Variants in CCDC13 observed in about 807,000 individuals in gnomAD.
The protein encoded by CCDC13 is coiled-coil domain-containing protein 13.
Under a neutral mutation model 87.3 loss-of-function variants are expected in CCDC13, and 70 were observed. The ratio of observed to expected loss-of-function variants is 0.80; its 90% CI spans 0.66 to 0.98. The LOEUF (loss-of-function observed/expected upper bound fraction) is 0.98, where lower values mean the gene tolerates loss of function less well. Ranked by LOEUF, CCDC13 falls within the 50% of genes least tolerant of loss-of-function variation. The pLI, the probability that CCDC13 is intolerant of heterozygous loss-of-function variation, is 0.00. For synonymous variants in CCDC13, 317 were observed against 360.3 expected, an observed-to-expected ratio of 0.88 and a Z score of 1.36; for missense variants, 842 against 892.0, an observed-to-expected ratio of 0.94 and a Z score of 0.71.
intron 5 of CCDC13, among the ~76,000 whole-genome samples, chr3:42,750,919 G>A (rs1013656433): frequency 6.6e-6 from 1 of 152,182 alleles, no homozygotes; most frequent in Non-Finnish European, 1.5e-5. Context: ...GTCCCCTGAA[G>A]CCAGGAAAGG....
chr3:42,750,760 A>G (rs2125903754), intron 5 of CCDC13, among the ~76,000 whole-genome samples: 1 of 152,170 alleles, frequency 6.6e-6, no homozygotes, highest in East Asian at 1.9e-4. Context: ...GAGCCACCTC[A>G]CCCGGTCAAG....
intron 8 of CCDC13, among the ~76,000 whole-genome samples, chr3:42,740,041 C>T (rs973358477): frequency 4.6e-5 from 7 of 152,176 alleles, no homozygotes; most frequent in African/African-American, 1.7e-4. Flanking sequence ...AGCACTAACC[C>T]ATGACAGCAC....
chr3:42,709,765 G>T lies in CCDC13; in HGVS notation c.1907C>A (p.Thr636Asn), dbSNP rs1453092440. The T allele has an allele frequency of 5.0e-6, 8 of 1,614,184 alleles. No homozygotes were observed. Among genetic ancestry groups the T allele is most frequent in the Non-Finnish European group, 6.8e-6 (8 of 1,180,016 alleles). The change falls in exon 15 of 16, where the codon ACC becomes AAC. Residue 636 changes from threonine (T) to asparagine (N), a missense_variant. Thr to Asn is a moderately conservative substitution (Grantham distance 65). Coordinates refer to ENST00000310232, the MANE Select transcript of CCDC13 (RefSeq NM_144719.4). The part of the protein sequence containing the change: ...LPTSNNRHNP[T>N]GSEKKDPSFA... ...GGATGGGTCCTTCTTCTCGCTCCCG[G>T]TTGGGTTGTGCCTGTTGTTAGAGGT... is the stretch of plus-strand genomic sequence containing the variant.
chr3:42,726,036 TTTG>T (rs1013205668), intron 13 of CCDC13, among the ~76,000 whole-genome samples: 9 of 151,994 alleles, frequency 5.9e-5, no homozygotes, highest in Admixed American at 2.0e-4. Flanking sequence ...ACAAGAGGGT[TTTG>T]TTGTTGTTGT....
chr3:42,758,090 CACA>C, intron 2 of CCDC13, 32 bp downstream of exon 2: 1 of 1,564,082 alleles, frequency 6.4e-7, no homozygotes, highest in Admixed American at 1.7e-5. Flanking sequence ...CACACACACA[CACA>C]CACCCCTGAG....
chr3:42,704,354 A>G (rs1271381499), downstream of CCDC13: 1 of 152,228 alleles, frequency 6.6e-6, no homozygotes, highest in Non-Finnish European at 1.5e-5. Flanking sequence ...CCCCAGAGTT[A>G]AGAACACAGG....
intron 9 of CCDC13, among the ~76,000 whole-genome samples, chr3:42,739,026 G>C (rs1699122764): frequency 1.3e-5 from 2 of 152,188 alleles, no homozygotes; most frequent in South Asian, 4.1e-4. Context: ...TGCCCATTCA[G>C]TATGATATTG....
intron 5 of CCDC13, among the ~76,000 whole-genome samples, chr3:42,750,459 T>G (rs567803727): frequency 2.6e-4 from 40 of 152,206 alleles, no homozygotes; most frequent in Non-Finnish European, 5.0e-4. Context: ...TTTTGGTGGT[T>G]GTTGTAGTTG....
At chr3:42,740,607 G>A (rs1271693790) in intron 8 of CCDC13, among the ~76,000 whole-genome samples, 3 of 152,188 alleles carry the variant, frequency 2.0e-5, no homozygotes, top group East Asian at 1.9e-4. Context: ...CAGGAATAGC[G>A]AGAAGGATAT....
In CCDC13 at chr3:42,707,864, T is replaced by C. The variant is rs947025916; in HGVS notation, c.*1116A>G. Reference sequence around the variant, plus strand: ...TGTGGCCAGGGTGTCGGAGTTGGGGTGTGTGGCTATGAGTGACCCTCCTTG... The same window carrying C: ...TGTGGCCAGGGTGTCGGAGTTGGGGCGTGTGGCTATGAGTGACCCTCCTTG... On this transcript the variant is annotated 3_prime_UTR_variant, in exon 16 of 16. Coordinates refer to ENST00000310232, the MANE Select transcript of CCDC13 (RefSeq NM_144719.4). Among the ~76,000 whole-genome samples the C allele has an allele frequency of 2.6e-5, 4 of 152,100 alleles. No homozygotes were observed. Among genetic ancestry groups the C allele is most frequent in the African/African-American group, 9.7e-5 (4 of 41,402 alleles).
chr3:42,733,889 T>C (rs1487157971), intron 10 of CCDC13, among the ~76,000 whole-genome samples: 6 of 152,216 alleles, frequency 3.9e-5, no homozygotes, highest in Admixed American at 1.3e-4. Context: ...CGGCCCTGCA[T>C]GCGGGGCAGG....
Position 42,751,992 on chromosome 3 carries a change from C to T in CCDC13, c.547G>A (p.Gly183Arg), listed in dbSNP as rs373099866. The change falls in exon 5 of 16, where the codon GGG becomes AGG. Residue 183 changes from glycine (G) to arginine (R), a missense_variant. Transcript: ENST00000310232. Reference sequence around the variant, plus strand: ...GGCTTGGCTCCTGCGTCGGTGGCCCCCTTGGCTGACAGCCTGGTCAGGGCT... The same window carrying T: ...GGCTTGGCTCCTGCGTCGGTGGCCCTCTTGGCTGACAGCCTGGTCAGGGCT... Reference protein sequence around the residue: ...QTALTRLSAKGATDAGAKPPR... With the variant: ...QTALTRLSAKRATDAGAKPPR... The T allele has an allele frequency of 2.2e-5, 36 of 1,609,376 alleles. No homozygotes were observed. The highest frequency in any genetic ancestry group is 3.1e-5 in the Non-Finnish European group (36 of 1,180,008).
Position 42,705,915 on chromosome 3 carries a change from A to T in CCDC13, c.*3065T>A, listed in dbSNP as rs1326549717. The T allele has an allele frequency of 6.6e-6, 1 of 151,910 alleles. No individual in the cohort carries two copies. Among genetic ancestry groups the T allele is most frequent in the Non-Finnish European group, 1.5e-5 (1 of 68,064 alleles). The allele number at this position is 151,910 out of a possible 1,614,324, so 9.4% of individuals were successfully genotyped here. On this transcript the variant is annotated 3_prime_UTR_variant, in exon 16 of 16. Coordinates refer to ENST00000310232, the MANE Select transcript of CCDC13 (RefSeq NM_144719.4). ...CTCCTTGCTCCTTTGCCTCAGGGAGATGTGAAGCCCCCTCTCTACCCAGAT... is the reference window on the plus strand; with the variant it reads ...CTCCTTGCTCCTTTGCCTCAGGGAGTTGTGAAGCCCCCTCTCTACCCAGAT...
intron 13 of CCDC13, among the ~76,000 whole-genome samples, chr3:42,727,890 G>C (rs1698725807): frequency 6.6e-6 from 1 of 152,044 alleles, no homozygotes; most frequent in South Asian, 2.1e-4. Context: ...AGAAAAAAAG[G>C]AACAAAGAAA....
In CCDC13 at chr3:42,739,649, G is replaced by A. The variant is rs778793804; in HGVS notation, c.1149C>T (p.Leu383=). 36 of 1,613,918 alleles carry A rather than the reference G, an allele frequency of 2.2e-5. No homozygotes were observed. The highest frequency in any genetic ancestry group is 6.7e-5 in the Admixed American group (4 of 59,998). ...LVEKGRHDDE[L]IDALMDQLKQ... Reference sequence around the variant, plus strand: ...GGGGCCATACCATGAGGGCGTCGATGAGCTCGTCATCATGCCGGCCCTTCT... The same window carrying A: ...GGGGCCATACCATGAGGGCGTCGATAAGCTCGTCATCATGCCGGCCCTTCT... Residue 383 remains leucine (L), a synonymous_variant, in exon 9 of 16, where the codon CTC becomes CTT. Transcript: ENST00000310232.
At chr3:42,733,891 C>T (rs141013330) in intron 10 of CCDC13, among the ~76,000 whole-genome samples, 3 of 152,216 alleles carry the variant, frequency 2.0e-5, no homozygotes, top group Non-Finnish European at 2.9e-5. Flanking sequence ...GCCCTGCATG[C>T]GGGGCAGGTC....
In CCDC13 at chr3:42,772,977, C is replaced by G. The variant is rs577184920; in HGVS notation, c.-7+199G>C. Among the ~76,000 whole-genome samples, 206 of 152,310 alleles carry G rather than the reference C, an allele frequency of 1.4e-3. 1 individual carries two copies. Among genetic ancestry groups the G allele is most frequent in the African/African-American group, 4.1e-3 (170 of 41,586 alleles). ...TACTGCATGGAAAATAAGCGTCTGC[C>G]TGGGTTAGAAGAGGGCTGTGTGTGA... On this transcript the variant is annotated intron_variant, in intron 1 of 15. Coordinates refer to ENST00000310232, the MANE Select transcript of CCDC13 (RefSeq NM_144719.4).
chr3:42,755,019 T>C (rs1699673980), intron 3 of CCDC13, among the ~76,000 whole-genome samples: 2 of 152,094 alleles, frequency 1.3e-5, no homozygotes, highest in Non-Finnish European at 2.9e-5. Context: ...AAGTATAACA[T>C]TGACTGATGG....
At chr3:42,773,077 G>T (rs1700175069) in intron 1 of CCDC13, 99 bp downstream of exon 1, 1 of 152,214 alleles carries the variant, frequency 6.6e-6, no homozygotes, top group South Asian at 2.1e-4. Context: ...GTGGCAGCGC[G>T]CTCGGGCTGG....
Sources: allele counts gnomAD v4.1 joint callset (sites outside exome capture counted in the v4.1 genomes callset), GRCh38; gene constraint gnomAD v4.1.1; transcripts MANE v1.5; gene names NCBI Gene and HGNC (gene_info 2026-07-23, HGNC 2026-07-21).